The following HDX variants were observed in gnomAD, a reference collection of about 807,000 sequenced individuals.
HDX encodes the protein highly divergent homeobox.
In HDX, 19 loss-of-function variants were observed where a neutral mutation model predicts 45.2. The observed-to-expected ratio is 0.42, with a 90% CI of 0.29 to 0.62. The LOEUF is 0.62. HDX is among the 20% of genes least tolerant of loss of function. HDX has a pLI of 0.20. For synonymous variants in HDX, 188 were observed against 172.8 expected, an observed-to-expected ratio of 1.09 and a Z score of -0.69; for missense variants, 532 against 493.9, an observed-to-expected ratio of 1.08 and a Z score of -0.73.
At chrX:84,351,551 T>G (rs2037361438) in intron 6 of HDX, among the ~76,000 whole-genome samples, 1 of 111,580 alleles carries the variant, frequency 9.0e-6, no homozygotes, top group South Asian at 3.8e-4. Context: ...CATGTTAGAC[T>G]GCCCTTTTCC....
At chrX:84,376,324 A>G (rs2038055965) in intron 5 of HDX, among the ~76,000 whole-genome samples, 1 of 112,197 alleles carries the variant, frequency 8.9e-6, no homozygotes. Flanking sequence ...GGGGACTACA[A>G]GGTGAAGCTC....
intron 1 of HDX, among the ~76,000 whole-genome samples, chrX:84,488,765 A>G (rs1167703520): frequency 2.7e-5 from 3 of 112,033 alleles, no homozygotes; most frequent in African/African-American, 9.7e-5. Context: ...TTGAGTTGTT[A>G]AACAGGGAAT....
At chrX:84,476,480 G>C (rs775123659) in intron 2 of HDX, among the ~76,000 whole-genome samples, 2 of 102,025 alleles carry the variant, frequency 2.0e-5, no homozygotes, top group South Asian at 9.7e-4. Flanking sequence ...CAGACGTGGA[G>C]GTTGCAGTGA....
At chrX:84,330,325 A>G (rs1361136334) in intron 9 of HDX, among the ~76,000 whole-genome samples, 1 of 112,048 alleles carries the variant, frequency 8.9e-6, no homozygotes, top group Non-Finnish European at 1.9e-5. Context: ...TTTTAAGAGC[A>G]TTTGTTCAAA....
intron 5 of HDX, among the ~76,000 whole-genome samples, chrX:84,390,416 T>C (rs1342268307): frequency 1.8e-5 from 2 of 112,033 alleles, no homozygotes; most frequent in Admixed American, 1.9e-4. Context: ...TAACCAGTTA[T>C]AGTATAAATA....
chrX:84,405,657 T>C (rs1274107548), intron 5 of HDX, among the ~76,000 whole-genome samples: 3 of 90,076 alleles, frequency 3.3e-5, no homozygotes, highest in Non-Finnish European at 2.3e-5. Context: ...TATATATATA[T>C]ATATATATGT....
At chrX:84,455,384 A>C (rs1415458251) in intron 4 of HDX, among the ~76,000 whole-genome samples, 1 of 112,489 alleles carries the variant, frequency 8.9e-6, no homozygotes, top group African/African-American at 3.2e-5. Context: ...AAATAACTAA[A>C]GAGAATAAAG....
chrX:84,346,391 C>T (rs924765669), intron 6 of HDX, among the ~76,000 whole-genome samples: 1 of 111,245 alleles, frequency 9.0e-6, no homozygotes, highest in Non-Finnish European at 1.9e-5. Flanking sequence ...TTCTAAAATT[C>T]ACATGGAAAG....
chrX:84,464,230 G>C (rs780562771), intron 4 of HDX, among the ~76,000 whole-genome samples: 1 of 111,482 alleles, frequency 9.0e-6, no homozygotes, highest in East Asian at 2.8e-4. Context: ...AATCAATATC[G>C]TGAAAATGGT....
At chrX:84,448,011 C>T (rs1419909237) in intron 4 of HDX, among the ~76,000 whole-genome samples, 1 of 111,704 alleles carries the variant, frequency 9.0e-6, no homozygotes, top group African/African-American at 3.3e-5. Flanking sequence ...CACCATGCTC[C>T]AGCCTACCAC....
At chrX:84,362,058 C>T (rs1005719542) in intron 5 of HDX, among the ~76,000 whole-genome samples, 3 of 110,998 alleles carry the variant, frequency 2.7e-5, no homozygotes, top group African/African-American at 6.6e-5. Context: ...TAGTGTGTTG[C>T]CTTTTGATAA....
chrX:84,465,670 G>A (rs936868006), intron 4 of HDX, among the ~76,000 whole-genome samples: 1 of 111,701 alleles, frequency 9.0e-6, no homozygotes, highest in Non-Finnish European at 1.9e-5. Flanking sequence ...GGGCCCGTTG[G>A]GGGGCGGGTG....
At chrX:84,459,490 TCAAAA>T (rs1442798005) in intron 4 of HDX, among the ~76,000 whole-genome samples, 1 of 107,693 alleles carries the variant, frequency 9.3e-6, no homozygotes, top group Non-Finnish European at 1.9e-5. Flanking sequence ...TAAAAATTTC[TCAAAA>T]CAAATGAAAA....
chrX:84,413,143 C>T (rs973009186), intron 5 of HDX, among the ~76,000 whole-genome samples: 3 of 111,498 alleles, frequency 2.7e-5, no homozygotes, highest in South Asian at 3.7e-4. Context: ...GAATTTGATG[C>T]CTGTCACTTC....
intron 1 of HDX, among the ~76,000 whole-genome samples, chrX:84,489,641 T>C (rs2040857320): frequency 8.9e-6 from 1 of 112,074 alleles, no homozygotes; most frequent in African/African-American, 3.2e-5. Context: ...CAAGATAATC[T>C]GCTTTGCTCT....
intron 4 of HDX, among the ~76,000 whole-genome samples, chrX:84,447,586 T>TC (rs1017771694): frequency 4.6e-5 from 5 of 109,243 alleles, no homozygotes; most frequent in African/African-American, 1.7e-4. Context: ...TCACACCAGG[T>TC]CCCCCCCACA....
intron 9 of HDX, among the ~76,000 whole-genome samples, chrX:84,333,267 A>T (rs985111807): frequency 1.8e-5 from 2 of 111,595 alleles, no homozygotes; most frequent in Admixed American, 1.9e-4. Context: ...GTAATAAATG[A>T]CATTAAGAAA....
At chrX:84,457,455 T>C (rs1257320507) in intron 4 of HDX, among the ~76,000 whole-genome samples, 1 of 111,757 alleles carries the variant, frequency 8.9e-6, no homozygotes, top group East Asian at 2.8e-4. Flanking sequence ...GAAAACATAG[T>C]TGTAATGTCT....
chrX:84,367,427 G>T (rs1006284725), intron 5 of HDX, among the ~76,000 whole-genome samples: 15 of 112,024 alleles, frequency 1.3e-4, no homozygotes, highest in African/African-American at 4.5e-4. Context: ...TTCAACCATT[G>T]TGGAAGACAG....
Sources: gnomAD v4.1 joint callset for allele counts (sites outside exome capture counted in the v4.1 genomes callset) on GRCh38, gnomAD v4.1.1 for gene constraint, MANE v1.5 for transcripts, NCBI Gene and HGNC (gene_info 2026-07-23, HGNC 2026-07-21) for gene names.